Variants in CRTAC1 observed in about 807,000 individuals in gnomAD.
CRTAC1 encodes acidic secreted protein in cartilage.
Under a neutral mutation model 67.8 loss-of-function variants are expected in CRTAC1, and 37 were observed. That is an observed-to-expected ratio of 0.55 (90% CI 0.42 to 0.72). The LOEUF (loss-of-function observed/expected upper bound fraction) is 0.72, where lower values mean the gene tolerates loss of function less well. CRTAC1 is among the 30% of genes least tolerant of loss of function. CRTAC1 has a pLI of 0.00. For synonymous variants in CRTAC1, 348 were observed against 371.0 expected (o/e 0.94, Z 0.71); for missense variants, 780 against 931.6 (o/e 0.84, Z 2.12).
intron 8 of CRTAC1, among the ~76,000 whole-genome samples, chr10:97,900,444 C>T (rs1380567896): frequency 6.6e-6 from 1 of 152,172 alleles, no homozygotes; most frequent in African/African-American, 2.4e-5. Context: ...TACTTGGACC[C>T]CGTAGCCCCT....
intron 11 of CRTAC1, among the ~76,000 whole-genome samples, chr10:97,891,898 G>T (rs368866348): frequency 6.6e-6 from 1 of 152,208 alleles, no homozygotes; most frequent in Non-Finnish European, 1.5e-5. Flanking sequence ...GAGGCGCCTC[G>T]TGACCCAAGG....
In CRTAC1 at chr10:97,883,537, C is replaced by T. The variant is rs140369253; in HGVS notation, c.1632+669G>A. Among the ~76,000 whole-genome samples the T allele has an allele frequency of 3.9e-3, 592 of 152,256 alleles. 2 individuals are homozygous for T. The highest frequency in any genetic ancestry group is 0.013 in the African/African-American group (542 of 41,548). Reference sequence around the variant, plus strand: ...GATGGGGATTGTTGGGGAAGAGGGGCCCCTCTCCTCCCAAAGCCAGTGCAC... The same window carrying T: ...GATGGGGATTGTTGGGGAAGAGGGGTCCCTCTCCTCCCAAAGCCAGTGCAC... On this transcript the variant is annotated intron_variant, in intron 12 of 14. Transcript: ENST00000370597.
chr10:98,027,480 G>C (rs1843261670), intron 1 of CRTAC1, among the ~76,000 whole-genome samples: 1 of 152,100 alleles, frequency 6.6e-6, no homozygotes, highest in Non-Finnish European at 1.5e-5. Context: ...TGCAAGCAGA[G>C]AGACCCCACG....
At chr10:97,988,225 C>A (rs1035503736) in intron 2 of CRTAC1, among the ~76,000 whole-genome samples, 1 of 151,844 alleles carries the variant, frequency 6.6e-6, no homozygotes, top group African/African-American at 2.4e-5. Flanking sequence ...TCTGTGTGTG[C>A]CCCAGTATGC....
chr10:97,998,015 G>A lies in CRTAC1; in HGVS notation c.224+13123C>T, dbSNP rs116693514. Reference sequence around the variant, plus strand: ...GACAGGGTCTTGCTCTGCCACAATAGGCTGGAGTGCAGTGGTGCGATCTCG... The same window carrying A: ...GACAGGGTCTTGCTCTGCCACAATAAGCTGGAGTGCAGTGGTGCGATCTCG... On this transcript the variant is annotated intron_variant, in intron 2 of 14. Coordinates refer to ENST00000370597, the MANE Select transcript of CRTAC1 (RefSeq NM_018058.7). 2.8e-3 allele frequency among the ~76,000 whole-genome samples: 422 copies of A among 152,264 alleles called. 2 individuals are homozygous for A. The highest frequency in any genetic ancestry group is 9.4e-3 in the African/African-American group (389 of 41,532).
chr10:97,996,932 G>A (rs1000252480), intron 2 of CRTAC1, among the ~76,000 whole-genome samples: 2 of 152,004 alleles, frequency 1.3e-5, no homozygotes, highest in Non-Finnish European at 2.9e-5. Context: ...CATGTCCTTT[G>A]TAGGGACATG....
At chr10:97,996,530 T>C (rs1842573727) in intron 2 of CRTAC1, among the ~76,000 whole-genome samples, 1 of 151,956 alleles carries the variant, frequency 6.6e-6, no homozygotes, top group Non-Finnish European at 1.5e-5. Flanking sequence ...AAAACCACAA[T>C]GAGATACCAT....
intron 2 of CRTAC1, among the ~76,000 whole-genome samples, chr10:97,941,213 C>A (rs1369360327): frequency 6.6e-6 from 1 of 152,094 alleles, no homozygotes; most frequent in Non-Finnish European, 1.5e-5. Flanking sequence ...TTTTCCCCAC[C>A]GCTGTCCTCT....
At chr10:97,897,027 C>A in intron 8 of CRTAC1, 36 bp from the exon 9 acceptor site, 1 of 1,488,464 alleles carries the variant, frequency 6.7e-7, no homozygotes, top group Admixed American at 2.0e-5. Flanking sequence ...CTGGTGGGGT[C>A]TCAGAGGCCG....
At position 98,005,096 on chromosome 10, in the gene CRTAC1, A is replaced by ATTT. The variant is rs1247445698; in HGVS notation, c.224+6041_224+6042insAAA. ...TAAAGTAATACATATATATATATAT[A>ATTT]TATATTTTTTTTTTTTTTTTTTTTT... is the stretch of plus-strand genomic sequence containing the variant. On this transcript the variant is annotated intron_variant, in intron 2 of 14. Transcript: ENST00000370597. Among the ~76,000 whole-genome samples, 35 of 33,004 alleles carry ATTT rather than the reference A, an allele frequency of 1.1e-3. 1 individual carries two copies. Among genetic ancestry groups the ATTT allele is most frequent in the African/African-American group, 3.5e-3 (32 of 9,162 alleles). 21.7% of individuals were successfully genotyped at this position (33,004 alleles called of 152,430 possible). A position where few individuals can be genotyped will look rare whatever the true frequency, so the allele number is the denominator to read the frequency against.
chr10:97,877,945 C>T (rs1295454834), intron 14 of CRTAC1, among the ~76,000 whole-genome samples: 1 of 152,228 alleles, frequency 6.6e-6, no homozygotes, highest in Non-Finnish European at 1.5e-5. Context: ...AGTCAATGGG[C>T]TCTGTTATCT....
intron 1 of CRTAC1, among the ~76,000 whole-genome samples, chr10:98,024,281 C>T (rs1029040105): frequency 3.3e-5 from 5 of 152,354 alleles, no homozygotes; most frequent in African/African-American, 9.6e-5. Flanking sequence ...TCATTTTATA[C>T]TCTCTGCACT....
intron 5 of CRTAC1, among the ~76,000 whole-genome samples, chr10:97,912,118 A>AATG (rs1199555639): frequency 1.3e-5 from 2 of 152,040 alleles, no homozygotes; most frequent in East Asian, 1.9e-4. Flanking sequence ...TGATAATAAT[A>AATG]ATGGCTCCTT....
At chr10:97,986,588 C>T in intron 2 of CRTAC1, among the ~76,000 whole-genome samples, 1 of 152,184 alleles carries the variant, frequency 6.6e-6, no homozygotes, top group African/African-American at 2.4e-5. Flanking sequence ...CATAAAAATA[C>T]TTTTCAACAC....
intron 14 of CRTAC1, among the ~76,000 whole-genome samples, chr10:97,872,582 G>T (rs1026857152): frequency 2.0e-5 from 3 of 152,208 alleles, no homozygotes; most frequent in African/African-American, 7.2e-5. Context: ...CTGGACCTCA[G>T]GCCCTAGAGA....
chr10:97,948,097 C>A (rs2051293048), intron 2 of CRTAC1, among the ~76,000 whole-genome samples: 1 of 98,214 alleles, frequency 1.0e-5, no homozygotes. Flanking sequence ...ATGGCATTCC[C>A]TGAATTATTG....
chr10:97,909,772 T>A (rs1055085487), intron 5 of CRTAC1, among the ~76,000 whole-genome samples: 10 of 152,228 alleles, frequency 6.6e-5, no homozygotes, highest in African/African-American at 2.4e-4. Context: ...ACTGCAGCAT[T>A]ATTCACAATA....
chr10:97,950,272 G>GAGAGAGAGAT (rs1554925462), intron 2 of CRTAC1, among the ~76,000 whole-genome samples: 40 of 151,788 alleles, frequency 2.6e-4, no homozygotes, highest in Middle Eastern at 3.4e-3. Context: ...GAGAGAGAGA[G>GAGAGAGAGAT]AGAGAGAGAG....
intron 11 of CRTAC1, among the ~76,000 whole-genome samples, chr10:97,890,866 C>T (rs1279717520): frequency 6.6e-6 from 1 of 152,128 alleles, no homozygotes; most frequent in East Asian, 1.9e-4. Flanking sequence ...GGGGTTTCTC[C>T]ATGTTGGTCA....
Sources: gnomAD v4.1 joint callset for allele counts (sites outside exome capture counted in the v4.1 genomes callset) on GRCh38, gnomAD v4.1.1 for gene constraint, MANE v1.5 for transcripts, NCBI Gene and HGNC (gene_info 2026-07-23, HGNC 2026-07-21) for gene names.